The following CNTN5 variants were observed in gnomAD, a reference collection of about 807,000 sequenced individuals.
The protein encoded by CNTN5 is contactin-5.
Under a neutral mutation model 129.1 loss-of-function variants are expected in CNTN5, and 77 were observed. The ratio of observed to expected loss-of-function variants is 0.60; its 90% confidence interval spans 0.50 to 0.72. The LOEUF (loss-of-function observed/expected upper bound fraction) is 0.72, where lower values mean the gene tolerates loss of function less well. Ranked by LOEUF, CNTN5 falls within the 30% of genes least tolerant of loss-of-function variation. The pLI is 0.00. For synonymous variants in CNTN5, 509 were observed against 465.6 expected (o/e 1.09, Z -1.20); for missense variants, 1,478 against 1,328.8 (o/e 1.11, Z -1.75).
rs188086481 is a variant in CNTN5 at position 100,010,449 on chromosome 11, G to A, written c.980+8313G>A. 1.3e-3 allele frequency among the ~76,000 whole-genome samples: 194 copies of A among 152,160 alleles called. 2 individuals carry two copies. Among genetic ancestry groups the A allele is most frequent in the South Asian group, 1.9e-3 (9 of 4,820 alleles). On this transcript the variant is annotated intron_variant, in intron 9 of 24. Coordinates refer to ENST00000524871, the MANE Select transcript of CNTN5 (RefSeq NM_014361.4). ...TCCTGAAAGTGTTGGGAAAAAACTT[G>A]AACTGTATTTTATTGCTGCTAAGGG...
intron 24 of CNTN5, among the ~76,000 whole-genome samples, chr11:100,354,222 T>C (rs2139046638): frequency 6.6e-6 from 1 of 151,746 alleles, no homozygotes; most frequent in African/African-American, 2.4e-5. Flanking sequence ...TGACATACAA[T>C]AATCATTTAT....
intron 1 of CNTN5, among the ~76,000 whole-genome samples, chr11:99,229,407 T>A (rs1860866925): frequency 6.6e-6 from 1 of 151,976 alleles, no homozygotes; most frequent in Admixed American, 6.6e-5. Flanking sequence ...AAATGCTGAA[T>A]AGCTTTTTTT....
At chr11:99,923,757 G>GTCTGTCTGTCTGTCTA (rs71050033) in intron 7 of CNTN5, among the ~76,000 whole-genome samples, 7 of 140,590 alleles carry the variant, frequency 5.0e-5, no homozygotes, top group African/African-American at 1.9e-4. Flanking sequence ...CTATCTGTCT[G>GTCTGTCTGTCTGTCTA]TCTATCTATC....
At chr11:100,306,073 GA>G (rs1028573132) in intron 20 of CNTN5, among the ~76,000 whole-genome samples, 9 of 151,028 alleles carry the variant, frequency 6.0e-5, no homozygotes, top group African/African-American at 1.7e-4. Context: ...TTAAGAGGGT[GA>G]AAAAAAATTA....
At chr11:99,973,134 A>C (rs562663189) in intron 8 of CNTN5, among the ~76,000 whole-genome samples, 1 of 152,182 alleles carries the variant, frequency 6.6e-6, no homozygotes, top group Admixed American at 6.5e-5. Context: ...TCCCTTAGAT[A>C]TTCTGATGCA....
chr11:99,432,848 G>A (rs1051186370), intron 2 of CNTN5, among the ~76,000 whole-genome samples: 6 of 151,766 alleles, frequency 4.0e-5, no homozygotes, highest in African/African-American at 7.3e-5. Context: ...AATTATTAGC[G>A]TGAAGGCTGT....
In CNTN5 at chr11:99,241,380, T is replaced by G. The variant is rs1289531179; in HGVS notation, c.-209-83966T>G. 2.7e-5 allele frequency among the ~76,000 whole-genome samples: 4 copies of G among 150,592 alleles called. No homozygotes were observed. In the East Asian group the frequency reaches 7.8e-4, roughly 29 times the overall value. The stretch of plus-strand genomic sequence containing the variant: ...AGTGCTTTGGTGGTGAGAACTTTGT[T>G]GTGTTCTCTTCGGAGATGTGACTCA... On this transcript the variant is annotated intron_variant, in intron 1 of 24. Transcript: ENST00000524871.
intron 7 of CNTN5, among the ~76,000 whole-genome samples, chr11:99,947,377 G>T (rs1352285007): frequency 6.6e-6 from 1 of 150,476 alleles, no homozygotes; most frequent in Non-Finnish European, 1.5e-5. Context: ...TGAGCAATAG[G>T]GACAAATTCT....
At chr11:99,519,585 T>G (rs1947193200) in intron 2 of CNTN5, among the ~76,000 whole-genome samples, 1 of 152,118 alleles carries the variant, frequency 6.6e-6, no homozygotes. Context: ...CTTCTAATTA[T>G]GCTCTCATTT....
chr11:100,098,718 C>T (rs1945108396), intron 13 of CNTN5, among the ~76,000 whole-genome samples: 3 of 152,042 alleles, frequency 2.0e-5, no homozygotes, highest in Admixed American at 1.3e-4. Context: ...AATGGTTATT[C>T]TCCTGGGCTT....
In CNTN5 at chr11:99,062,929, C is replaced by T. The variant is rs1033667267; in HGVS notation, c.-210+41659C>T. On this transcript the variant is annotated intron_variant, in intron 1 of 24. Transcript: ENST00000524871. ...TGACAAGAAGTAGTAGTGAAAGATA[C>T]GGAGATTAAGAACATAGTCATCTTT... 9.2e-5 allele frequency among the ~76,000 whole-genome samples: 14 copies of T among 151,744 alleles called. 1 individual carries two copies. The highest frequency in any genetic ancestry group is 4.6e-4 in the Admixed American group (7 of 15,226).
chr11:99,501,400 G>A (rs1416347920), intron 2 of CNTN5, among the ~76,000 whole-genome samples: 2 of 152,186 alleles, frequency 1.3e-5, no homozygotes, highest in African/African-American at 4.8e-5. Flanking sequence ...CCCTAGATTT[G>A]TTTAACTAAC....
intron 2 of CNTN5, among the ~76,000 whole-genome samples, chr11:99,389,648 G>T (rs1481238797): frequency 2.0e-5 from 3 of 152,052 alleles, no homozygotes; most frequent in Non-Finnish European, 2.9e-5. Flanking sequence ...AAATAAAACT[G>T]TATTTTAAAT....
chr11:99,955,461 T>C (rs533759029), intron 7 of CNTN5, among the ~76,000 whole-genome samples: 196 of 152,306 alleles, frequency 1.3e-3, no homozygotes, highest in African/African-American at 4.5e-3. Flanking sequence ...AAAACAATTG[T>C]TAAAATATTT....
intron 3 of CNTN5, among the ~76,000 whole-genome samples, chr11:99,803,746 G>C (rs909696204): frequency 2.6e-5 from 4 of 152,184 alleles, no homozygotes; most frequent in Non-Finnish European, 5.9e-5. Flanking sequence ...GAATCACAGA[G>C]GGTGGCTGTA....
At chr11:100,255,138 C>T (rs776942579) in intron 16 of CNTN5, among the ~76,000 whole-genome samples, 2 of 152,144 alleles carry the variant, frequency 1.3e-5, no homozygotes, top group African/African-American at 2.4e-5. Flanking sequence ...AAAAAGGAAG[C>T]TAATCATAGA....
intron 21 of CNTN5, chr11:100,337,717 TTCTAGAAG>T: frequency 2.1e-6 from 1 of 483,872 alleles, no homozygotes. Flanking sequence ...GCCAGGTGGC[TTCTAGAAG>T]TCAGTTTCAT....
chr11:99,841,251 A>T (rs1947479928), intron 4 of CNTN5, among the ~76,000 whole-genome samples: 1 of 152,168 alleles, frequency 6.6e-6, no homozygotes, highest in Non-Finnish European at 1.5e-5. Context: ...GGGCAGTAAT[A>T]ATAAAATATA....
chr11:100,186,428 C>T (rs1948303354), intron 13 of CNTN5, among the ~76,000 whole-genome samples: 1 of 151,780 alleles, frequency 6.6e-6, no homozygotes, highest in Admixed American at 6.6e-5. Flanking sequence ...GAAAATGGCC[C>T]CGAAATCAAG....
Sources: gnomAD v4.1 joint callset for allele counts (sites outside exome capture counted in the v4.1 genomes callset) on GRCh38, gnomAD v4.1.1 for gene constraint, MANE v1.5 for transcripts, NCBI Gene and HGNC (gene_info 2026-07-23, HGNC 2026-07-21) for gene names.